The following SETD3 variants were observed in gnomAD, a reference collection of about 807,000 sequenced individuals.
SETD3 encodes the protein actin-histidine N-methyltransferase.
In SETD3, 19 loss-of-function variants were observed where a neutral mutation model predicts 63.0. The observed-to-expected ratio is 0.30, with a 90% CI of 0.21 to 0.44. The LOEUF (loss-of-function observed/expected upper bound fraction) is 0.44, where lower values mean the gene tolerates loss of function less well. Ranked by LOEUF, SETD3 falls within the 20% of genes least tolerant of loss-of-function variation. The pLI is 1.00. For synonymous variants in SETD3, 286 were observed against 264.1 expected (o/e 1.08, Z -0.80); for missense variants, 587 against 728.5 (o/e 0.81, Z 2.24).
intron 6 of SETD3, among the ~76,000 whole-genome samples, chr14:99,441,590 CTA>C (rs1419332205): frequency 6.6e-6 from 1 of 152,238 alleles, no homozygotes; most frequent in East Asian, 1.9e-4. Flanking sequence ...AGAAGAGACT[CTA>C]TGCCAAGGCT....
At chr14:99,408,038 C>CT (rs1351169084) in intron 8 of SETD3, among the ~76,000 whole-genome samples, 1 of 152,176 alleles carries the variant, frequency 6.6e-6, no homozygotes, top group African/African-American at 2.4e-5. Flanking sequence ...ACTTTTTGAC[C>CT]TACTCATTTT....
chr14:99,413,377 C>T (rs894529890), intron 7 of SETD3: 7 of 306,258 alleles, frequency 2.3e-5, no homozygotes, highest in African/African-American at 4.4e-5. Context: ...CCGACACCCC[C>T]CAACCCAACC....
rs1480462586 is a variant in SETD3 at position 99,400,079 on chromosome 14, CATTT to C, written c.1338+16_1338+19del. ...TAACAACACAACAAGTTCAAAACCT[CATTT>C]ATTTAGTGTAATTACCTCAATAGTT... On this transcript the variant is annotated intron_variant, in intron 12 of 12. Transcript: ENST00000331768. The C allele has an allele frequency of 1.3e-6, 2 of 1,587,632 alleles. No individual in the cohort carries two copies. The highest frequency in any genetic ancestry group is 1.4e-5 in the African/African-American group (1 of 73,350).
At chr14:99,412,225 A>G (rs1230393427) in intron 8 of SETD3, 1 of 152,588 alleles carries the variant, frequency 6.6e-6, no homozygotes, top group Non-Finnish European at 1.5e-5. Flanking sequence ...CGCTTCACCT[A>G]TGCTGCTGCC....
intron 6 of SETD3, among the ~76,000 whole-genome samples, chr14:99,434,414 G>A (rs1464854403): frequency 1.3e-5 from 2 of 151,884 alleles, no homozygotes; most frequent in Non-Finnish European, 2.9e-5. Context: ...GATGGGGAAA[G>A]GACAGTGGGG....
intron 6 of SETD3, among the ~76,000 whole-genome samples, chr14:99,419,648 G>A (rs756735983): frequency 1.0e-3 from 152 of 150,764 alleles, no homozygotes; most frequent in Non-Finnish European, 1.9e-3. Context: ...AGTGGCGGGC[G>A]CCTGTAGTCC....
intron 6 of SETD3, among the ~76,000 whole-genome samples, chr14:99,452,846 GC>G (rs1301012162): frequency 6.6e-5 from 10 of 151,554 alleles, no homozygotes; most frequent in Admixed American, 1.3e-4. Context: ...CAGGCAGATC[GC>G]GGGGGGAGAA....
intron 6 of SETD3, among the ~76,000 whole-genome samples, chr14:99,423,510 G>C (rs1199805485): frequency 1.5e-5 from 2 of 131,292 alleles, no homozygotes; most frequent in African/African-American, 5.7e-5. Context: ...ATTATCTTCA[G>C]TTGATTTTTT....
At chr14:99,413,205 CT>C in intron 7 of SETD3, 140 bp from the exon 8 acceptor site, 1 of 603,984 alleles carries the variant, frequency 1.7e-6, no homozygotes, top group Non-Finnish European at 3.0e-6. Context: ...AATGTTTGGC[CT>C]TCATCATCAT....
chr14:99,464,410 G>C (rs1268935361), intron 2 of SETD3, among the ~76,000 whole-genome samples: 2 of 152,228 alleles, frequency 1.3e-5, no homozygotes, highest in Non-Finnish European at 2.9e-5. Context: ...ATGAAGGGTA[G>C]CCAGTCTTAC....
intron 1 of SETD3, among the ~76,000 whole-genome samples, chr14:99,477,116 G>GT (rs1383261322): frequency 6.6e-6 from 1 of 152,054 alleles, no homozygotes; most frequent in Non-Finnish European, 1.5e-5. Flanking sequence ...AAAGATAGAT[G>GT]TGTCTTTCAT....
At chr14:99,407,075 G>T (rs796181296) in intron 8 of SETD3, among the ~76,000 whole-genome samples, 1 of 152,204 alleles carries the variant, frequency 6.6e-6, no homozygotes, top group Admixed American at 6.5e-5. Context: ...GAAAAGAAAA[G>T]CTCTATTTCT....
At chr14:99,408,314 C>T (rs192277367) in intron 8 of SETD3, among the ~76,000 whole-genome samples, 3 of 152,172 alleles carry the variant, frequency 2.0e-5, no homozygotes, top group Non-Finnish European at 4.4e-5. Flanking sequence ...TATTCTAGAA[C>T]ATTTCACTCG....
rs143910743 is a variant in SETD3 at position 99,418,759 on chromosome 14, G to A, written c.676-4825C>T. On this transcript the variant is annotated intron_variant, in intron 6 of 12. Transcript: ENST00000331768. The stretch of plus-strand genomic sequence containing the variant: ...ATCAGAGAGAGAATGGGAGCAGAGA[G>A]AGAGTAAGAAGATGGACATCCCCAG... 3.2e-3 allele frequency among the ~76,000 whole-genome samples: 493 copies of A among 152,296 alleles called. 2 individuals are homozygous for A. Among genetic ancestry groups the A allele is most frequent in the African/African-American group, 0.011 (477 of 41,550 alleles).
intron 6 of SETD3, among the ~76,000 whole-genome samples, chr14:99,447,468 GAT>G (rs1595224594): frequency 6.6e-6 from 1 of 152,220 alleles, no homozygotes; most frequent in African/African-American, 2.4e-5. Flanking sequence ...ATGAAAATGA[GAT>G]ATGTGTTTAG....
At chr14:99,415,682 A>G (rs909840202) in intron 6 of SETD3, among the ~76,000 whole-genome samples, 4 of 152,210 alleles carry the variant, frequency 2.6e-5, no homozygotes, top group African/African-American at 4.8e-5. Flanking sequence ...TGGTTACATA[A>G]TATTTGCAGA....
At chr14:99,467,684 C>G (rs573824390) in intron 1 of SETD3, among the ~76,000 whole-genome samples, 1 of 152,350 alleles carries the variant, frequency 6.6e-6, no homozygotes, top group African/African-American at 2.4e-5. Flanking sequence ...CCTGAAAGAC[C>G]TTCTGCTGTG....
intron 6 of SETD3, among the ~76,000 whole-genome samples, chr14:99,432,244 G>GT (rs1460029023): frequency 2.0e-5 from 3 of 152,122 alleles, no homozygotes; most frequent in Admixed American, 6.5e-5. Flanking sequence ...CAAAGAACCC[G>GT]TAAGAGTCCT....
At chr14:99,476,823 T>C (rs1895996271) in intron 1 of SETD3, among the ~76,000 whole-genome samples, 1 of 152,238 alleles carries the variant, frequency 6.6e-6, no homozygotes, top group Non-Finnish European at 1.5e-5. Context: ...CTCAGGATCA[T>C]AGACAGTAAT....
Sources: gnomAD v4.1 joint callset for allele counts (sites outside exome capture counted in the v4.1 genomes callset) on GRCh38, gnomAD v4.1.1 for gene constraint, MANE v1.5 for transcripts, NCBI Gene and HGNC (gene_info 2026-07-23, HGNC 2026-07-21) for gene names.